The following NBEAL1 variants were observed in gnomAD, a reference collection of about 807,000 sequenced individuals.
The protein encoded by NBEAL1 is neurobeachin like 1, also known as neurobeachin-like protein 1.
A neutral mutation model predicts 351.3 loss-of-function variants in NBEAL1; 273 were observed. The ratio of observed to expected loss-of-function variants is 0.78; its 90% confidence interval spans 0.70 to 0.86. The LOEUF (loss-of-function observed/expected upper bound fraction) is 0.86, where lower values mean the gene tolerates loss of function less well. NBEAL1 is among the 40% of genes least tolerant of loss of function. The pLI is 0.00. For missense variants in NBEAL1, 2,961 were observed against 3,201.3 expected, an observed-to-expected ratio of 0.92 and a Z score of 1.81; for synonymous variants, 1,050 against 1,086.4, an observed-to-expected ratio of 0.97 and a Z score of 0.66.
At chr2:203,044,441 T>C (rs2061194215) in intron 3 of NBEAL1, among the ~76,000 whole-genome samples, 1 of 152,230 alleles carries the variant, frequency 6.6e-6, no homozygotes, top group South Asian at 2.1e-4. Context: ...ATGTTTGGAA[T>C]ATTAGAATGA....
chr2:203,110,858 C>G (rs1234678020), intron 15 of NBEAL1, among the ~76,000 whole-genome samples: 1 of 148,982 alleles, frequency 6.7e-6, no homozygotes, highest in Non-Finnish European at 1.5e-5. Flanking sequence ...CTCTGCCTCC[C>G]GGGTTCAAGC....
intron 2 of NBEAL1, chr2:203,040,625 T>C: frequency 1.5e-6 from 1 of 677,610 alleles, no homozygotes; most frequent in South Asian, 1.4e-5. Context: ...AACACAGTGA[T>C]TGAGGAGCAC....
At chr2:203,086,953 T>C (rs2061972177) in intron 10 of NBEAL1, among the ~76,000 whole-genome samples, 1 of 152,244 alleles carries the variant, frequency 6.6e-6, no homozygotes, top group Non-Finnish European at 1.5e-5. Context: ...CATCTGCTTA[T>C]GTCACCAAAG....
intron 42 of NBEAL1, among the ~76,000 whole-genome samples, chr2:203,178,821 C>A (rs1319097736): frequency 1.3e-5 from 2 of 152,160 alleles, no homozygotes; most frequent in African/African-American, 4.8e-5. Flanking sequence ...TACAACATTT[C>A]TTCCTGGAGT....
chr2:203,197,737 GTC>G (rs2065278867), intron 48 of NBEAL1, among the ~76,000 whole-genome samples: 1 of 152,008 alleles, frequency 6.6e-6, no homozygotes, highest in Non-Finnish European at 1.5e-5. Flanking sequence ...GTGAAACCCT[GTC>G]TCTACTAAAA....
chr2:203,201,119 C>T (rs987002854), intron 49 of NBEAL1, among the ~76,000 whole-genome samples: 2 of 152,224 alleles, frequency 1.3e-5, no homozygotes, highest in Non-Finnish European at 2.9e-5. Context: ...TAGATACACA[C>T]TTATCTGCCT....
At position 203,220,931 on chromosome 2, in the gene NBEAL1, T is replaced by C. The variant is rs77963535; in HGVS notation, c.*3577T>C. ...GTGCATCCTTTTGTAGAAGAAAAAA[T>C]ACCAAGTGTTCATTCTGTCATTAGC... On this transcript the variant is annotated 3_prime_UTR_variant, in exon 56 of 56. Transcript: ENST00000683969. Among the ~76,000 whole-genome samples, 5 of 152,134 alleles carry C rather than the reference T, an allele frequency of 3.3e-5. No individual in the cohort carries two copies. The East Asian group carries it at 7.7e-4, about 23-fold the overall frequency.
intron 51 of NBEAL1, among the ~76,000 whole-genome samples, chr2:203,207,267 C>A (rs111751491): frequency 6.8e-5 from 10 of 148,026 alleles, no homozygotes; most frequent in Non-Finnish European, 1.2e-4. Flanking sequence ...GCCCGGCAGC[C>A]ACCCCGTCCA....
At chr2:203,201,766 T>C (rs1333052923) in intron 50 of NBEAL1, 51 bp downstream of exon 50, 2 of 1,494,648 alleles carry the variant, frequency 1.3e-6, no homozygotes, top group Non-Finnish European at 1.8e-6. Flanking sequence ...CTTTTTTTCT[T>C]AAGTATAAAA....
At chr2:203,126,170 T>C (rs918740141) in intron 21 of NBEAL1, 77 bp downstream of exon 21, 2 of 1,339,476 alleles carry the variant, frequency 1.5e-6, no homozygotes, top group Admixed American at 3.0e-5. Flanking sequence ...TTCTTCCTAA[T>C]AAATATATTT....
In NBEAL1 at chr2:203,201,555, T is replaced by G; in HGVS notation, c.7251T>G (p.Ser2417Arg). The part of the protein sequence containing the change: ...QTVTNPKTQR[S>R]INGSFAPGLE... ...ATTGTGTTTACAGAACTCAGCGCAG[T>G]ATAAATGGTTCTTTTGCTCCCGGGC... Residue 2417 changes from serine (S) to arginine (R), a missense_variant, in exon 50 of 56, where the codon AGT (serine) becomes AGG (arginine). By Grantham distance (110) the Ser-to-Arg change is moderately radical (BLOSUM62 -1). Transcript: ENST00000683969. 1 of 1,592,576 alleles carries G rather than the reference T, an allele frequency of 6.3e-7. No individual in the cohort carries two copies. The highest frequency in any genetic ancestry group is 1.3e-5 in the African/African-American group (1 of 74,540).
chr2:203,136,843 A>G, intron 29 of NBEAL1, 69 bp downstream of exon 29: 2 of 1,339,750 alleles, frequency 1.5e-6, no homozygotes, highest in Non-Finnish European at 2.1e-6. Context: ...AACGTTAGTT[A>G]TTGAACATTT....
intron 53 of NBEAL1, among the ~76,000 whole-genome samples, chr2:203,210,454 G>A (rs1172313716): frequency 2.6e-5 from 4 of 151,622 alleles, no homozygotes; most frequent in African/African-American, 4.8e-5. Context: ...AAGGTCAGGA[G>A]ATCGAGACCA....
chr2:203,098,473 A>G (rs982697294), intron 11 of NBEAL1, among the ~76,000 whole-genome samples: 3 of 152,182 alleles, frequency 2.0e-5, no homozygotes, highest in Non-Finnish European at 4.4e-5. Flanking sequence ...TAATAAAACA[A>G]TTATTATAGT....
chr2:203,107,839 C>G lies in NBEAL1; in HGVS notation c.1600C>G (p.Gln534Glu). 2 of 1,554,416 alleles carry G rather than the reference C, an allele frequency of 1.3e-6. No homozygotes were observed. Among genetic ancestry groups the G allele is most frequent in the Non-Finnish European group, 1.7e-6 (2 of 1,147,728 alleles). The part of the protein sequence containing the change: ...ETLDLHSSLH[Q>E]TCAENLIAIH... ...CCTTGACTTGCATTCTTCCCTCCAT[C>G]AAACTTGTGCTGAGAACTTGATTGC... is the stretch of plus-strand genomic sequence containing the variant. Residue 534 changes from glutamine (Q) to glutamate (E), a missense_variant, in exon 14 of 56, where the codon CAA becomes GAA. By Grantham distance (29) the Gln-to-Glu change is conservative. Coordinates refer to ENST00000683969, the MANE Select transcript of NBEAL1 (RefSeq NM_001378026.1).
intron 6 of NBEAL1, 110 bp from the exon 7 acceptor site, chr2:203,068,283 C>T (rs755100662): frequency 1.9e-6 from 1 of 539,850 alleles, no homozygotes; most frequent in East Asian, 3.0e-5. Context: ...ATACATAGTT[C>T]AAGACACAAA....
intron 35 of NBEAL1, among the ~76,000 whole-genome samples, chr2:203,153,827 C>T (rs1431720047): frequency 2.0e-5 from 3 of 152,128 alleles, no homozygotes; most frequent in African/African-American, 4.8e-5. Context: ...AAGAAATTTC[C>T]TTCCATAAAG....
chr2:203,178,007 A>G (rs1472101437), intron 42 of NBEAL1, among the ~76,000 whole-genome samples: 1 of 142,896 alleles, frequency 7.0e-6, no homozygotes, highest in Non-Finnish European at 1.5e-5. Context: ...CGACAGAGCA[A>G]TACTCCATCT....
chr2:203,040,991 C>T, intron 2 of NBEAL1: 1 of 245,732 alleles, frequency 4.1e-6, no homozygotes, highest in Non-Finnish European at 8.0e-6. Flanking sequence ...AGATTATTCC[C>T]TGCCTTATCT....
Sources: allele counts gnomAD v4.1 joint callset (sites outside exome capture counted in the v4.1 genomes callset), GRCh38; gene constraint gnomAD v4.1.1; transcripts MANE v1.5; gene names NCBI Gene and HGNC (gene_info 2026-07-23, HGNC 2026-07-21).